BDNF: variants seen among roughly 807,000 people sequenced by gnomAD.
BDNF encodes the protein neurotrophic factor BDNF precursor form.
In BDNF, 1 loss-of-function variant was observed where a neutral mutation model predicts 19.5. The ratio of observed to expected loss-of-function variants is 0.05; its 90% CI spans 0.02 to 0.24. BDNF has a LOEUF of 0.24. Ranked by LOEUF, BDNF falls within the 10% of genes least tolerant of loss-of-function variation. The pLI is 1.00. For missense variants in BDNF, 195 were observed against 317.6 expected (o/e 0.61, Z 2.93); for synonymous variants, 100 against 121.6 (o/e 0.82, Z 1.17).
chr11:27,658,389 A>G lies in BDNF; in HGVS notation c.176T>C (p.Leu59Ser). The G allele has an allele frequency of 6.2e-7, 1 of 1,614,148 alleles. No homozygotes were observed. Among genetic ancestry groups the G allele is most frequent in the Non-Finnish European group, 8.5e-7 (1 of 1,180,026 alleles). ...TATCACGTGTTCGAAAGTGTCAGCC[A>G]ATGATGTCAAGCCTCTTGAACCTGC... ...PKAGSRGLTS[L>S]ADTFEHVIEE... Residue 59 changes from leucine (L) to serine (S), a missense_variant, in exon 2 of 2, where the codon TTG becomes TCG. Physicochemically the swap from Leu to Ser is moderately radical, Grantham distance 145. This residue lies in a region of BDNF where 124 missense variants were observed against 155.0 expected (regional missense o/e 0.80). Coordinates refer to ENST00000356660, the MANE Select transcript of BDNF (RefSeq NM_001709.5). The surrounding 1 kb of genome is among the most constrained non-coding windows in gnomAD (Gnocchi z 5.7).
rs1354925566 is a variant in BDNF, at chr11:27,658,051, C to T, written c.514G>A (p.Val172Ile). Residue 172 changes from valine to isoleucine, a missense_variant, in exon 2 of 2, where the codon GTA (valine) becomes ATA (isoleucine). By Grantham distance (29) the Val-to-Ile change is conservative. Coordinates refer to ENST00000356660, the MANE Select transcript of BDNF (RefSeq NM_001709.5). This position sits in a 1 kb window ranked among gnomAD's most constrained non-coding sequence, Gnocchi z 5.7. The stretch of plus-strand genomic sequence containing the variant: ...TATTGCTTCAGTTGGCCTTTTGATA[C>T]AGGGACCTTTTCAAGGACTGTGACC... ...GTVTVLEKVP[V>I]SKGQLKQYFY... 1 of 1,614,102 alleles carries T rather than the reference C, an allele frequency of 6.2e-7. No individual in the cohort carries two copies. The highest frequency in any genetic ancestry group is 1.1e-5 in the South Asian group (1 of 91,082).
Position 27,695,229 on chromosome 11 carries a change from G to A in BDNF, c.-22+4935C>T, listed in dbSNP as rs190367151. Among the ~76,000 whole-genome samples the A allele has an allele frequency of 2.9e-4, 44 of 152,210 alleles. No individual in the cohort carries two copies. The East Asian group carries it at 8.5e-3, about 29-fold the overall frequency. On this transcript the variant is annotated intron_variant, in intron 1 of 1. Transcript: ENST00000356660. ...CTATTACTTCAATTTTTGGTGAGTT[G>A]CTTAAATTACTTGGAACTGCCCGTT... is the stretch of plus-strand genomic sequence containing the variant.
intron 1 of BDNF, among the ~76,000 whole-genome samples, chr11:27,685,762 G>C: frequency 6.6e-6 from 1 of 151,886 alleles, no homozygotes; most frequent in Non-Finnish European, 1.5e-5. Context: ...TGGTCTGAGA[G>C]ACTGTTTGTT....
In BDNF at chr11:27,685,266, G is replaced by A. The variant is rs570032314; in HGVS notation, c.-22+14898C>T. On this transcript the variant is annotated intron_variant, in intron 1 of 1. Transcript: ENST00000356660. ...TATCCTCTTTATCATCTTTTATTGC[G>A]TCTATTTGATTCTTCTCTCTTTTCT... 2.9e-4 allele frequency among the ~76,000 whole-genome samples: 44 copies of A among 152,034 alleles called. No homozygotes were observed. In the East Asian group the frequency reaches 3.5e-3, roughly 12 times the overall value.
At chr11:27,697,968 T>C (rs1420684175) in intron 1 of BDNF, 1 of 152,122 alleles carries the variant, frequency 6.6e-6, no homozygotes, top group Non-Finnish European at 1.5e-5. Flanking sequence ...AAATAGAAAA[T>C]GTTCTGTAAT....
chr11:27,673,496 G>A (rs1855682566), intron 1 of BDNF, among the ~76,000 whole-genome samples: 1 of 152,124 alleles, frequency 6.6e-6, no homozygotes, highest in South Asian at 2.1e-4. Flanking sequence ...TAATCAACAG[G>A]TCACTTTCAG....
chr11:27,716,111 A>T (rs1453294618), intron 1 of BDNF, among the ~76,000 whole-genome samples: 1 of 152,192 alleles, frequency 6.6e-6, no homozygotes, highest in Non-Finnish European at 1.5e-5. Flanking sequence ...ATTAATCTTT[A>T]TGAAACACGT....
chr11:27,676,860 T>A (rs2133933227), intron 1 of BDNF: 2 of 152,348 alleles, frequency 1.3e-5, no homozygotes, highest in Admixed American at 1.3e-4. Flanking sequence ...TTGAAAGCCT[T>A]ATACACAGTG....
At chr11:27,701,614 C>A, upstream of BDNF, 1 of 986,386 alleles carries the variant, frequency 1.0e-6, no homozygotes, top group Non-Finnish European at 1.2e-6. Flanking sequence ...GCCCTCTCCG[C>A]GGTGAATGGG....
chr11:27,673,703 G>A (rs1181399850), intron 1 of BDNF, among the ~76,000 whole-genome samples: 1 of 152,118 alleles, frequency 6.6e-6, no homozygotes, highest in Non-Finnish European at 1.5e-5. Flanking sequence ...TATTCTTGTG[G>A]TTAATTAGTT....
Position 27,707,613 on chromosome 11 carries a change from G to T in BDNF, c.3+13799C>A, listed in dbSNP as rs147033060. Among the ~76,000 whole-genome samples the T allele has an allele frequency of 1.1e-3, 166 of 152,314 alleles. 4 individuals carry two copies. The East Asian group carries it at 0.028, about 26-fold the overall frequency. ...CACCAAGAAGTTATAAGTCTAGTTG[G>T]ATATAGGAAAGGCTGATGCTGATAC... On this transcript the variant is annotated intron_variant, in intron 1 of 1. Transcript: ENST00000314915.
intron 1 of BDNF, among the ~76,000 whole-genome samples, chr11:27,667,254 G>A (rs1357596539): frequency 1.3e-5 from 2 of 152,100 alleles, no homozygotes; most frequent in Non-Finnish European, 2.9e-5. Context: ...CCTTACAAGA[G>A]CTCCTGAAGG....
chr11:27,683,868 G>A (rs773084239), intron 1 of BDNF, among the ~76,000 whole-genome samples: 1 of 152,138 alleles, frequency 6.6e-6, no homozygotes, highest in African/African-American at 2.4e-5. Context: ...ATTTTGCTTA[G>A]GATTGTCTTG....
intron 1 of BDNF, among the ~76,000 whole-genome samples, chr11:27,712,618 T>C (rs1054895548): frequency 1.2e-4 from 18 of 151,286 alleles, no homozygotes; most frequent in Non-Finnish European, 2.2e-4. Flanking sequence ...CAGATTCAAG[T>C]GATTCTCGTG....
intron 1 of BDNF, among the ~76,000 whole-genome samples, chr11:27,666,612 G>A (rs747777962): frequency 3.3e-5 from 5 of 152,276 alleles, no homozygotes; most frequent in East Asian, 1.9e-4. Flanking sequence ...ACCATGGCAC[G>A]AGAACTATGT....
At chr11:27,696,423 G>T (rs988832354) in intron 1 of BDNF, 5 of 152,202 alleles carry the variant, frequency 3.3e-5, no homozygotes, top group African/African-American at 1.2e-4. Context: ...ATCTGTGCAT[G>T]TTATTCATCC....
At chr11:27,689,019 C>G (rs896377153) in intron 1 of BDNF, among the ~76,000 whole-genome samples, 10 of 152,144 alleles carry the variant, frequency 6.6e-5, no homozygotes, top group African/African-American at 2.4e-4. Flanking sequence ...TTAAAAAACT[C>G]CTTGGAAAAA....
In BDNF at chr11:27,656,855, G is replaced by C; in HGVS notation, c.*966C>G. The C allele has an allele frequency of 1.0e-6, 1 of 985,260 alleles. No homozygotes were observed. Among genetic ancestry groups the C allele is most frequent in the Non-Finnish European group, 1.2e-6 (1 of 829,886 alleles). The allele number at this position is 985,260 out of a possible 1,614,324, so 61.0% of individuals were successfully genotyped here. A position where few individuals can be genotyped will look rare whatever the true frequency, so the allele number is the denominator to read the frequency against. ...TCCATGCTTATACGAGTGTCATGATGTGACACAATGTGTTCACTTGTTCAC... is the reference window on the plus strand; with the variant it reads ...TCCATGCTTATACGAGTGTCATGATCTGACACAATGTGTTCACTTGTTCAC... On this transcript the variant is annotated 3_prime_UTR_variant, in exon 2 of 2. Transcript: ENST00000356660.
chr11:27,673,440 G>T (rs1296005240), intron 1 of BDNF, among the ~76,000 whole-genome samples: 1 of 152,110 alleles, frequency 6.6e-6, no homozygotes, highest in Non-Finnish European at 1.5e-5. Context: ...AAAAAGTTAA[G>T]ACCCATTTGT....
Sources: allele counts gnomAD v4.1 joint callset (sites outside exome capture counted in the v4.1 genomes callset), GRCh38; gene constraint gnomAD v4.1.1; regional missense constraint gnomAD v4.1.1; non-coding constraint Gnocchi (gnomAD v3.1); transcripts MANE v1.5; gene names NCBI Gene and HGNC (gene_info 2026-07-23, HGNC 2026-07-21).